The following ACSF2 variants were observed in gnomAD, a reference collection of about 807,000 sequenced individuals.
The protein encoded by ACSF2 is medium-chain acyl-CoA ligase ACSF2, mitochondrial.
ACSF2 carries 52 observed loss-of-function variants against 79.3 expected under a neutral mutation model. The observed-to-expected ratio is 0.66, with a 90% CI of 0.53 to 0.83. ACSF2 has a LOEUF of 0.83. Ranked by LOEUF, ACSF2 falls within the 40% of genes least tolerant of loss-of-function variation. ACSF2 has a pLI of 0.00. For synonymous variants in ACSF2, 283 were observed against 312.6 expected, an observed-to-expected ratio of 0.91 and a Z score of 1.00; for missense variants, 661 against 803.3, an observed-to-expected ratio of 0.82 and a Z score of 2.14.
rs1292399485 is a variant in ACSF2, at chr17:50,426,408, A to G, written c.128+19A>G. 2 of 1,308,618 alleles carry G rather than the reference A, an allele frequency of 1.5e-6. No homozygotes were observed. The highest frequency in any genetic ancestry group is 3.8e-5 in the Admixed American group (1 of 26,490). The allele number at this position is 1,308,618 out of a possible 1,614,324, so 81.1% of individuals were successfully genotyped here. A position where few individuals can be genotyped will look rare whatever the true frequency, so the allele number is the denominator to read the frequency against. Reference sequence around the variant, plus strand: ...TCCTCAGGTACTGGCCCCCCGCGGGAAGAGAGGGGGCGGGGCAGTTCCCCG... The same window carrying G: ...TCCTCAGGTACTGGCCCCCCGCGGGGAGAGAGGGGGCGGGGCAGTTCCCCG... On this transcript the variant is annotated intron_variant, in intron 1 of 15. Transcript: ENST00000300441.
At chr17:50,453,720 T>C (rs1278427381) in intron 1 of ACSF2, among the ~76,000 whole-genome samples, 1 of 152,070 alleles carries the variant, frequency 6.6e-6, no homozygotes, top group Non-Finnish European at 1.5e-5. Flanking sequence ...TATTTCTGTA[T>C]TGTTTCTTTT....
Position 50,426,291 on chromosome 17 carries a change from G to A in ACSF2, c.30G>A (p.Leu10=). 7.1e-7 allele frequency: 1 copy of A among 1,416,204 alleles called. No individual in the cohort carries two copies. Among genetic ancestry groups the A allele is most frequent in the Non-Finnish European group, 9.3e-7 (1 of 1,080,114 alleles). The allele number at this position is 1,416,204 out of a possible 1,614,324, so 87.7% of individuals were successfully genotyped here. A position where few individuals can be genotyped will look rare whatever the true frequency, so the allele number is the denominator to read the frequency against. The part of the protein sequence containing the change: MAVYVGMLR[L]GRLCAGSSGV... ...CTGTCTACGTCGGGATGCTGCGCCT[G>A]GGGAGGCTGTGCGCCGGGAGCTCGG... The change falls in exon 1 of 16, where the codon CTG becomes CTA. Residue 10 remains leucine, a synonymous_variant. Transcript: ENST00000300441.
At position 50,464,453 on chromosome 17, in the gene ACSF2, T is replaced by C. The variant is rs2032550649; in HGVS notation, c.1215+159T>C. The stretch of plus-strand genomic sequence containing the variant: ...TGTGAGAAAAGATAGTCTGACCTCA[T>C]CAGCACCTGGTGGGTGAAGGAGATA... On this transcript the variant is annotated intron_variant, in intron 10 of 15. Transcript: ENST00000300441. 5.4e-6 allele frequency: 4 copies of C among 747,292 alleles called. No individual in the cohort carries two copies. The South Asian group carries it at 5.8e-5, about 11-fold the overall frequency. 46.3% of individuals were successfully genotyped at this position (747,292 alleles called of 1,614,324 possible).
chr17:50,440,099 T>A (rs2030771077), intron 1 of ACSF2, among the ~76,000 whole-genome samples: 1 of 151,954 alleles, frequency 6.6e-6, no homozygotes, highest in African/African-American at 2.4e-5. Flanking sequence ...TGATGTATGT[T>A]TCTCTGTGGA....
At chr17:50,435,340 T>G (rs188237202) in intron 1 of ACSF2, among the ~76,000 whole-genome samples, 1 of 148,524 alleles carries the variant, frequency 6.7e-6, no homozygotes, top group East Asian at 1.9e-4. Context: ...CTTACAAATG[T>G]TTTTCCCCAC....
intron 10 of ACSF2, among the ~76,000 whole-genome samples, chr17:50,467,026 AT>A (rs1456910520): frequency 6.6e-5 from 10 of 152,118 alleles, no homozygotes; most frequent in African/African-American, 2.4e-4. Flanking sequence ...TGTGGCCCAC[AT>A]TGAGGTATGA....
At chr17:50,445,806 TAA>T (rs11390963) in intron 1 of ACSF2, among the ~76,000 whole-genome samples, 2 of 145,432 alleles carry the variant, frequency 1.4e-5, no homozygotes. Context: ...ATCCTATCTT[TAA>T]AAAAAAAAAA....
At chr17:50,468,073 C>G in intron 10 of ACSF2, 1 of 1,608,844 alleles carries the variant, frequency 6.2e-7, no homozygotes, top group Non-Finnish European at 8.5e-7. Flanking sequence ...GCCAGAGGGT[C>G]TCCAGGTATC....
At chr17:50,428,707 G>A (rs1915250118) in intron 1 of ACSF2, among the ~76,000 whole-genome samples, 2 of 152,310 alleles carry the variant, frequency 1.3e-5, no homozygotes, top group Admixed American at 1.3e-4. Context: ...ACTTGAACCT[G>A]GGAAGCGGAG....
At chr17:50,468,765 G>A in intron 10 of ACSF2, 7 of 1,589,988 alleles carry the variant, frequency 4.4e-6, no homozygotes, top group Non-Finnish European at 6.0e-6. Context: ...AGCGCCGGCA[G>A]CAGACCAGCC....
At position 50,460,661 on chromosome 17, in the gene ACSF2, G is replaced by T. The variant is rs778333909; in HGVS notation, c.129-16G>T. ...CTGATCTGGGACAGTCAAACCCATA[G>T]CTCCTCTCCCTACAGTTCCAGAGAG... On this transcript the variant is annotated splice_polypyrimidine_tract_variant and intron_variant, in intron 1 of 15. Coordinates refer to ENST00000300441, the MANE Select transcript of ACSF2 (RefSeq NM_025149.6). The T allele has an allele frequency of 6.2e-7, 1 of 1,602,930 alleles. No individual in the cohort carries two copies. Among genetic ancestry groups the T allele is most frequent in the South Asian group, 1.1e-5 (1 of 89,444 alleles).
At chr17:50,465,543 G>A (rs1454803104) in intron 10 of ACSF2, 2 of 1,491,676 alleles carry the variant, frequency 1.3e-6, no homozygotes, top group East Asian at 4.6e-5. Flanking sequence ...AGGATAGTCT[G>A]AAGCTGTCAT....
Position 50,464,772 on chromosome 17 carries a change from G to T in ACSF2, c.1215+478G>T, listed in dbSNP as rs539784859. 10 of 329,874 alleles carry T rather than the reference G, an allele frequency of 3.0e-5. 1 individual carries two copies. The highest frequency in any genetic ancestry group is 2.3e-4 in the East Asian group (3 of 12,952). 20.4% of individuals were successfully genotyped at this position (329,874 alleles called of 1,614,324 possible). On this transcript the variant is annotated intron_variant, in intron 10 of 15. Transcript: ENST00000300441. Reference sequence around the variant, plus strand: ...CCTGTTGTGGTTCTGATTGACTTGGGGGGGGGGTCTCAGCAACAGCTTCTC... The same window carrying T: ...CCTGTTGTGGTTCTGATTGACTTGGTGGGGGGGTCTCAGCAACAGCTTCTC...
intron 1 of ACSF2, among the ~76,000 whole-genome samples, chr17:50,429,679 C>T (rs1915349327): frequency 6.6e-6 from 1 of 152,030 alleles, no homozygotes; most frequent in Non-Finnish European, 1.5e-5. Flanking sequence ...GCCACCCGCC[C>T]AGCTAATTTT....
intron 1 of ACSF2, among the ~76,000 whole-genome samples, chr17:50,437,967 C>A (rs552768204): frequency 1.3e-5 from 2 of 152,298 alleles, no homozygotes; most frequent in South Asian, 4.1e-4. Flanking sequence ...GTCCCTCCTG[C>A]AGCTGACCCC....
chr17:50,456,499 G>A (rs554050902), intron 1 of ACSF2, among the ~76,000 whole-genome samples: 4 of 150,848 alleles, frequency 2.7e-5, no homozygotes, highest in African/African-American at 7.3e-5. Flanking sequence ...TTGGGAGGCC[G>A]AGGCGGGCGG....
Position 50,474,001 on chromosome 17 carries a change from G to A in ACSF2, c.1725G>A (p.Gly575=), listed in dbSNP as rs750436394. 2.0e-6 allele frequency: 3 copies of A among 1,514,568 alleles called. No individual in the cohort carries two copies. Among genetic ancestry groups the A allele is most frequent in the Non-Finnish European group, 2.7e-6 (3 of 1,131,160 alleles). The allele number at this position is 1,514,568 out of a possible 1,614,324, so 93.8% of individuals were successfully genotyped here. ...TVEEIKAFCK[G]KISHFKIPKY... ...AGGAGATAAAAGCTTTCTGCAAAGG[G>A]AAGGTGGGAGCCTCCGCTCAACCTA... The change falls in exon 14 of 16, where the codon GGG becomes GGA. Residue 575 remains glycine (G), a synonymous_variant. Transcript: ENST00000300441. The surrounding 1 kb of genome is among the most constrained non-coding windows in gnomAD (Gnocchi z 4.2).
At chr17:50,443,671 A>C (rs2031099085) in intron 1 of ACSF2, among the ~76,000 whole-genome samples, 1 of 152,168 alleles carries the variant, frequency 6.6e-6, no homozygotes, top group African/African-American at 2.4e-5. Context: ...GGGCATGCTA[A>C]AGTGTAAGTT....
intron 1 of ACSF2, among the ~76,000 whole-genome samples, chr17:50,429,646 A>G (rs779181659): frequency 4.0e-5 from 6 of 151,748 alleles, no homozygotes; most frequent in Non-Finnish European, 5.9e-5. Context: ...CAGCCTCCCA[A>G]GTAGCTGGGA....
Sources: gnomAD v4.1 joint callset for allele counts (sites outside exome capture counted in the v4.1 genomes callset) on GRCh38, gnomAD v4.1.1 for gene constraint, Gnocchi (gnomAD v3.1) non-coding constraint, MANE v1.5 for transcripts, NCBI Gene and HGNC (gene_info 2026-07-23, HGNC 2026-07-21) for gene names.